The following SOX5 variants were observed in gnomAD, a reference collection of about 807,000 sequenced individuals.
The protein encoded by SOX5 is SRY-box transcription factor 5.
SOX5 carries 9 observed loss-of-function variants against 92.0 expected under a neutral mutation model. The ratio of observed to expected loss-of-function variants is 0.10; its 90% confidence interval spans 0.06 to 0.17. The LOEUF (loss-of-function observed/expected upper bound fraction) is 0.17. Ranked by LOEUF, SOX5 falls within the 10% of genes least tolerant of loss-of-function variation. The pLI is 1.00. For missense variants in SOX5, 642 were observed against 944.5 expected (o/e 0.68, Z 4.20); for synonymous variants, 344 against 336.3 (o/e 1.02, Z -0.25).
intron 4 of SOX5, among the ~76,000 whole-genome samples, chr12:23,972,843 A>G (rs1948497120): frequency 6.6e-6 from 1 of 152,118 alleles, no homozygotes; most frequent in South Asian, 2.1e-4. Flanking sequence ...CTATTCTATT[A>G]GCTATTTTAT....
rs558451170 is a variant in SOX5, at chr12:24,334,739, T to A, written c.-174+33824A>T. Among the ~76,000 whole-genome samples, 3 of 152,218 alleles carry A rather than the reference T, an allele frequency of 2.0e-5. No individual in the cohort carries two copies. The South Asian group carries it at 6.2e-4, about 32-fold the overall frequency. On this transcript the variant is annotated intron_variant, in intron 2 of 4. Coordinates refer to the SOX5 transcript ENST00000446891. Reference sequence around the variant, plus strand: ...AAAACATTAGAAATTGCCTAAGTGCTCACCCACAGAAGAATGGCCAAATCA... The same window carrying A: ...AAAACATTAGAAATTGCCTAAGTGCACACCCACAGAAGAATGGCCAAATCA...
chr12:24,024,106 C>T (rs970680470), intron 4 of SOX5, among the ~76,000 whole-genome samples: 17 of 151,674 alleles, frequency 1.1e-4, no homozygotes, highest in African/African-American at 3.6e-4. Flanking sequence ...CTAATTTAGC[C>T]TAAGATAGGT....
chr12:24,349,604 T>C (rs1953806368), intron 2 of SOX5, among the ~76,000 whole-genome samples: 1 of 152,220 alleles, frequency 6.6e-6, no homozygotes, highest in Non-Finnish European at 1.5e-5. Context: ...ATAGCATGTG[T>C]CAGAATTTCC....
At position 23,990,041 on chromosome 12, in the gene SOX5, TAAG is replaced by T. The variant is rs553112423; in HGVS notation, c.-1-94020_-1-94018del. On this transcript the variant is annotated intron_variant, in intron 4 of 4. Coordinates refer to the SOX5 transcript ENST00000446891. ...TTATTAACCACAATATAATTCTAAA[TAAG>T]AAGAAGAAAAGAAGGAGAGAGAAAA... is the stretch of plus-strand genomic sequence containing the variant. Among the ~76,000 whole-genome samples the T allele has an allele frequency of 7.4e-5, 11 of 148,288 alleles. No homozygotes were observed. The East Asian group carries it at 1.6e-3, about 21-fold the overall frequency.
intron 4 of SOX5, among the ~76,000 whole-genome samples, chr12:23,989,948 T>C (rs1450418766): frequency 6.6e-6 from 1 of 152,012 alleles, no homozygotes; most frequent in African/African-American, 2.4e-5. Flanking sequence ...AATATTCAGA[T>C]ACAAAGGAAA....
chr12:24,052,932 C>A (rs998267293), intron 4 of SOX5, among the ~76,000 whole-genome samples: 1 of 152,150 alleles, frequency 6.6e-6, no homozygotes, highest in East Asian at 1.9e-4. Context: ...CATCAATCTC[C>A]CAATAAAATC....
intron 3 of SOX5, among the ~76,000 whole-genome samples, chr12:23,831,957 TACACAC>T (rs61053165): frequency 2.1e-5 from 3 of 142,732 alleles, no homozygotes; most frequent in Non-Finnish European, 4.5e-5. Flanking sequence ...AAAGGGGAAC[TACACAC>T]ACACACACAC....
At chr12:24,342,331 A>C (rs1356616973) in intron 2 of SOX5, among the ~76,000 whole-genome samples, 1 of 152,184 alleles carries the variant, frequency 6.6e-6, no homozygotes, top group Non-Finnish European at 1.5e-5. Context: ...CACCAAGTCT[A>C]CACCTCCAAT....
At chr12:23,595,119 A>G (rs957842343) in intron 9 of SOX5, among the ~76,000 whole-genome samples, 1 of 152,168 alleles carries the variant, frequency 6.6e-6, no homozygotes. Context: ...CTGTAGTTCT[A>G]CTGGCTTGAA....
chr12:23,752,561 C>T (rs2094213187), intron 4 of SOX5, among the ~76,000 whole-genome samples: 1 of 151,806 alleles, frequency 6.6e-6, no homozygotes, highest in African/African-American at 2.4e-5. Context: ...GAATGACCTT[C>T]GGTGTAATGG....
chr12:24,213,399 T>G (rs1393518932), exon 4 of SOX5: 1 of 128,320 alleles, frequency 7.8e-6, no homozygotes, highest in African/African-American at 3.0e-5. Flanking sequence ...GTCCTTGATA[T>G]TATCTATTTC....
chr12:24,506,805 T>TC (rs1948809922), intron 1 of SOX5, among the ~76,000 whole-genome samples: 1 of 136,598 alleles, frequency 7.3e-6, no homozygotes, highest in Non-Finnish European at 1.6e-5. Context: ...TTTTTTTTTT[T>TC]TGGAGACGGG....
chr12:23,759,016 CACACACACACACAG>C (rs1430122566), intron 3 of SOX5, among the ~76,000 whole-genome samples: 2 of 67,792 alleles, frequency 3.0e-5, no homozygotes, highest in Admixed American at 2.3e-4. Context: ...ACAAAACACA[CACACACACACACAG>C]ACACACACAC....
intron 8 of SOX5, among the ~76,000 whole-genome samples, chr12:23,632,854 C>A (rs2078728358): frequency 6.6e-6 from 1 of 152,074 alleles, no homozygotes; most frequent in Non-Finnish European, 1.5e-5. Context: ...ACTAATATTA[C>A]TAGTTACTGA....
chr12:24,194,553 T>C (rs1162107771), intron 4 of SOX5, among the ~76,000 whole-genome samples: 1 of 152,160 alleles, frequency 6.6e-6, no homozygotes, highest in Non-Finnish European at 1.5e-5. Flanking sequence ...ATTTAAGCTT[T>C]TATAAATATA....
At chr12:23,643,188 C>G (rs2080347142) in intron 7 of SOX5, among the ~76,000 whole-genome samples, 1 of 150,682 alleles carries the variant, frequency 6.6e-6, no homozygotes, top group Non-Finnish European at 1.5e-5. Context: ...AATGGTATAA[C>G]TGGTAAAACC....
chr12:23,643,866 C>T (rs1020156823), intron 7 of SOX5, among the ~76,000 whole-genome samples: 15 of 152,072 alleles, frequency 9.9e-5, no homozygotes, highest in Admixed American at 2.0e-4. Flanking sequence ...TGTAGACCCT[C>T]GCTTTTCAAT....
intron 6 of SOX5, among the ~76,000 whole-genome samples, chr12:23,683,336 G>T (rs764436868): frequency 1.4e-4 from 22 of 151,766 alleles, no homozygotes; most frequent in Admixed American, 1.4e-3. Flanking sequence ...AAAATGAAAT[G>T]GAATGCATCA....
chr12:23,704,687 C>CATATATATATATATATATAT (rs376550773), intron 6 of SOX5, among the ~76,000 whole-genome samples: 238 of 90,020 alleles, frequency 2.6e-3, no homozygotes, highest in African/African-American at 3.0e-3. Flanking sequence ...TATATGCATG[C>CATATATATATATATATATAT]ATATATATAT....
Sources: allele counts gnomAD v4.1 joint callset (sites outside exome capture counted in the v4.1 genomes callset), GRCh38; gene constraint gnomAD v4.1.1; transcripts MANE v1.5; gene names NCBI Gene and HGNC (gene_info 2026-07-23, HGNC 2026-07-21).